The following GRIN1 variants were observed in gnomAD, a reference collection of about 807,000 sequenced individuals.
GRIN1 encodes the protein glutamate receptor ionotropic, NMDA 1.
A neutral mutation model predicts 103.0 loss-of-function variants in GRIN1; 38 were observed. The ratio of observed to expected loss-of-function variants is 0.37; its 90% confidence interval spans 0.28 to 0.48. The LOEUF (loss-of-function observed/expected upper bound fraction) is 0.48, where lower values mean the gene tolerates loss of function less well. GRIN1 is among the 20% of genes least tolerant of loss of function. GRIN1 has a pLI of 0.98. For missense variants in GRIN1, 577 were observed against 1,288.9 expected (o/e 0.45, Z 8.46); for synonymous variants, 544 against 532.7 (o/e 1.02, Z -0.29).
At chr9:137,144,482 A>T (rs59839176) in intron 2 of GRIN1, among the ~76,000 whole-genome samples, 1 of 151,822 alleles carries the variant, frequency 6.6e-6, no homozygotes, top group African/African-American at 2.4e-5. Context: ...GTGAAACCCC[A>T]TCTCCACTAA....
In GRIN1 at chr9:137,148,268, C is replaced by G. The variant is rs562334634; in HGVS notation, c.571-741C>G. 8 of 1,251,854 alleles carry G rather than the reference C, an allele frequency of 6.4e-6. No individual in the cohort carries two copies. In the South Asian group the frequency reaches 1.0e-4, roughly 16 times the overall value. 77.5% of individuals were successfully genotyped at this position (1,251,854 alleles called of 1,614,324 possible). ...CACGGCTAGGGAGCCCTGGCCTCGGCGCCTCGGCCACTAGGGCCACTGTCT... is the reference window on the plus strand; with the variant it reads ...CACGGCTAGGGAGCCCTGGCCTCGGGGCCTCGGCCACTAGGGCCACTGTCT... On this transcript the variant is annotated intron_variant, in intron 3 of 19. Transcript: ENST00000371561.
Position 137,161,299 on chromosome 9 carries a change from G to T in GRIN1, c.1350G>T (p.Thr450=), listed in dbSNP as rs199871811. Residue 450 remains threonine, a synonymous_variant, in exon 10 of 20, where the codon ACG becomes ACT. Transcript: ENST00000371561. ...CCCGCACCTACCCAGCCCGCCACAC[G>T]GTGCCTCAGTGTTGCTACGGCTTTT... ...NDTSPGSPRH[T]VPQCCYGFCI... 1 of 1,612,460 alleles carries T rather than the reference G, an allele frequency of 6.2e-7. No homozygotes were observed. Among genetic ancestry groups the T allele is most frequent in the Non-Finnish European group, 8.5e-7 (1 of 1,179,656 alleles).
intron 3 of GRIN1, chr9:137,148,204 G>A: frequency 1.3e-6 from 2 of 1,545,692 alleles, no homozygotes; most frequent in Non-Finnish European, 1.7e-6. Flanking sequence ...GACAACAAGC[G>A]CGGACCCAAG....
chr9:137,150,272 A>AG (rs769792923), intron 4 of GRIN1, among the ~76,000 whole-genome samples: 40 of 152,222 alleles, frequency 2.6e-4, no homozygotes, highest in African/African-American at 9.2e-4. Context: ...CAAAGTCCCA[A>AG]GGGTATGCAC....
rs778196924 is a variant in GRIN1 at position 137,158,508 on chromosome 9, C to G, written c.1098C>G (p.Ile366Met). 1.2e-6 allele frequency: 2 copies of G among 1,612,738 alleles called. No homozygotes were observed. The highest frequency in any genetic ancestry group is 1.7e-6 in the Non-Finnish European group (2 of 1,179,626). ...LQNRKLVQVGIYNGTHVIPND... is the reference protein window; with the variant it reads ...LQNRKLVQVGMYNGTHVIPND... ...ACCGCAAGCTGGTGCAAGTGGGCATCTACAATGGCACCCACGTAGGTGGGG... is the reference window on the plus strand; with the variant it reads ...ACCGCAAGCTGGTGCAAGTGGGCATGTACAATGGCACCCACGTAGGTGGGG... The change falls in exon 7 of 20, where the codon ATC becomes ATG. Residue 366 changes from isoleucine (I) to methionine (M), a missense_variant. Around this residue, in one of 9 missense-constraint regions of GRIN1, gnomAD observed 308 missense variants for 553.6 expected, o/e 0.56. Coordinates refer to ENST00000371561, the MANE Select transcript of GRIN1 (RefSeq NM_007327.4).
chr9:137,139,253 G>T lies in GRIN1; in HGVS notation c.-234G>T, dbSNP rs975313501. 70 of 183,000 alleles carry T rather than the reference G, an allele frequency of 3.8e-4. 1 individual carries two copies. Among genetic ancestry groups the T allele is most frequent in the Admixed American group, 1.4e-3 (22 of 16,218 alleles). 11.3% of individuals were successfully genotyped at this position (183,000 alleles called of 1,614,324 possible). A position where few individuals can be genotyped will look rare whatever the true frequency, so the allele number is the denominator to read the frequency against. On this transcript the variant is annotated 5_prime_UTR_variant, in exon 1 of 20. Coordinates refer to ENST00000371561, the MANE Select transcript of GRIN1 (RefSeq NM_007327.4). This position sits in a 1 kb window ranked among gnomAD's most constrained non-coding sequence, Gnocchi z 7.7. Reference sequence around the variant, plus strand: ...AGCCGGGCGCTCGGAGCTGTGCCCGGCCCCGCTTCAGCACCGCGGACAGCG... The same window carrying T: ...AGCCGGGCGCTCGGAGCTGTGCCCGTCCCCGCTTCAGCACCGCGGACAGCG...
At position 137,163,682 on chromosome 9, in the gene GRIN1, C is replaced by T. The variant is rs986727477; in HGVS notation, c.2443+14C>T. The stretch of plus-strand genomic sequence containing the variant: ...AGAACATGGCCGGTGCGTTCTCCTT[C>T]ATCCATTCTCGGGTGGGTTCTCCGT... On this transcript the variant is annotated intron_variant, in intron 17 of 19. Coordinates refer to ENST00000371561, the MANE Select transcript of GRIN1 (RefSeq NM_007327.4). 3.7e-6 allele frequency: 6 copies of T among 1,612,260 alleles called. No individual in the cohort carries two copies. The African/African-American group carries it at 6.7e-5, about 18-fold the overall frequency.
intron 7 of GRIN1, 42 bp from the exon 8 acceptor site, chr9:137,158,579 A>T: frequency 6.2e-7 from 1 of 1,605,728 alleles, no homozygotes; most frequent in Non-Finnish European, 8.5e-7. Flanking sequence ...TGGGGCCAAG[A>T]CCCCTGCGTG....
intron 4 of GRIN1, among the ~76,000 whole-genome samples, chr9:137,150,118 A>G (rs1405641723): frequency 6.6e-6 from 1 of 152,176 alleles, no homozygotes; most frequent in Admixed American, 6.5e-5. Flanking sequence ...GCTGCTATAA[A>G]AAGGCACTAA....
rs1221320933 is a variant in GRIN1, at chr9:137,156,919, G to C, written c.850G>C (p.Ala284Pro). Residue 284 changes from alanine to proline, a missense_variant, in exon 6 of 20, where the codon GCC becomes CCC. This residue lies in a region of GRIN1 where 308 missense variants were observed against 553.6 expected (regional missense o/e 0.56). Coordinates refer to ENST00000371561, the MANE Select transcript of GRIN1 (RefSeq NM_007327.4). ...GKNESAHISDAVGVVAQAVHE... is the reference protein window; with the variant it reads ...GKNESAHISDPVGVVAQAVHE... ...GAACGAGTCGGCCCACATCAGCGAC[G>C]CCGTGGGCGTGGTGGCCCAGGCCGT... 6.2e-7 allele frequency: 1 copy of C among 1,612,208 alleles called. No individual in the cohort carries two copies. Among genetic ancestry groups the C allele is most frequent in the Non-Finnish European group, 8.5e-7 (1 of 1,179,776 alleles).
chr9:137,162,441 G>T lies in GRIN1; in HGVS notation c.1789G>T (p.Glu597Ter). ...GTTCAAGGTGAACAGCGAGGAGGAG[G>T]AGGAGGACGCACTGACCCTGTCCTC... ...GRFKVNSEEE[E>*]EDALTLSSAM... is the part of the protein sequence containing the mutation. The change falls in exon 13 of 20, where the codon GAG becomes TAG. Residue 597 changes from glutamate to a stop codon, truncating the protein, a stop_gained. Transcript: ENST00000371561. LOFTEE classifies it high-confidence loss of function. The T allele has an allele frequency of 1.2e-6, 2 of 1,610,206 alleles. No individual in the cohort carries two copies. The highest frequency in any genetic ancestry group is 8.5e-7 in the Non-Finnish European group (1 of 1,179,794).
intron 11 of GRIN1, 28 bp from the exon 12 acceptor site, chr9:137,162,144 G>C (rs1381624571): frequency 1.3e-6 from 2 of 1,542,044 alleles, no homozygotes; most frequent in South Asian, 1.2e-5. Context: ...GAGGGCCCGG[G>C]CCGCGCTGAC....
At position 137,167,466 on chromosome 9, in the gene GRIN1, G is replaced by C; in HGVS notation, c.2756G>C (p.Arg919Pro). The change falls in exon 20 of 20, where the codon CGA (arginine) becomes CCA (proline). Residue 919 changes from arginine (R) to proline (P), a missense_variant. By Grantham distance (103) the Arg-to-Pro change is moderately radical. Around this residue, in one of 9 missense-constraint regions of GRIN1, gnomAD observed 68 missense variants for 113.0 expected, o/e 0.60. Coordinates refer to ENST00000371561, the MANE Select transcript of GRIN1 (RefSeq NM_007327.4). ...LQNQKDTVLP[R>P]RAIEREEGQL... is the part of the protein sequence containing the mutation. ...AACCAAAAAGACACAGTGCTGCCGC[G>C]ACGCGCTATTGAGAGGGAGGAGGGC... The C allele has an allele frequency of 6.4e-7, 1 of 1,560,294 alleles. No individual in the cohort carries two copies. The highest frequency in any genetic ancestry group is 8.7e-7 in the Non-Finnish European group (1 of 1,152,188).
intron 1 of GRIN1, among the ~76,000 whole-genome samples, chr9:137,141,076 G>A (rs886279201): frequency 6.6e-6 from 1 of 152,184 alleles, no homozygotes. Context: ...TTCAACTCAC[G>A]CCCATGTTGC....
rs1296861481 is a variant in GRIN1 at position 137,142,072 on chromosome 9, T to C, written c.318T>C (p.Pro106=). The C allele has an allele frequency of 6.2e-7, 1 of 1,614,116 alleles. No homozygotes were observed. Among genetic ancestry groups the C allele is most frequent in the Non-Finnish European group, 8.5e-7 (1 of 1,179,960 alleles). ...CCAACGACCACTTCACTCCCACCCC[T>C]GTCTCCTACACAGCCGGCTTCTACC... is the stretch of plus-strand genomic sequence containing the variant. ...PTPNDHFTPT[P]VSYTAGFYRI... The change falls in exon 2 of 20, where the codon CCT becomes CCC. Residue 106 remains proline, a synonymous_variant. Coordinates refer to ENST00000371561, the MANE Select transcript of GRIN1 (RefSeq NM_007327.4).
intron 11 of GRIN1, 28 bp downstream of exon 11, chr9:137,162,116 C>CGGGGGGGGGGGGGGGGG: frequency 9.5e-6 from 4 of 419,702 alleles, no homozygotes; most frequent in Non-Finnish European, 1.8e-5. Flanking sequence ...GGCGGGGTGG[C>CGGGGGGGGGGGGGGGGG]GGCGGGGGGA....
chr9:137,140,025 G>A (rs967134665), intron 1 of GRIN1, among the ~76,000 whole-genome samples: 32 of 152,148 alleles, frequency 2.1e-4, no homozygotes, highest in African/African-American at 6.7e-4. Context: ...CGTGGGGCTG[G>A]AGTGTGTCAG....
At chr9:137,148,547 G>A (rs1216385552) in intron 3 of GRIN1, among the ~76,000 whole-genome samples, 3 of 152,246 alleles carry the variant, frequency 2.0e-5, no homozygotes, top group Non-Finnish European at 2.9e-5. Context: ...CCACCCACTC[G>A]CCGGGGCCGG....
intron 2 of GRIN1, among the ~76,000 whole-genome samples, chr9:137,145,087 C>A (rs374410609): frequency 0.066 from 178 of 2,680 alleles, 54 homozygotes; most frequent in East Asian, 0.23. Context: ...GGGTGGGGAC[C>A]GGGGTGAGAG....
Sources: allele counts gnomAD v4.1 joint callset (sites outside exome capture counted in the v4.1 genomes callset), GRCh38; gene constraint gnomAD v4.1.1; regional missense constraint gnomAD v4.1.1; non-coding constraint Gnocchi (gnomAD v3.1); transcripts MANE v1.5; gene names NCBI Gene and HGNC (gene_info 2026-07-23, HGNC 2026-07-21).